Variants in SLC25A37 observed in about 807,000 individuals in gnomAD.
SLC25A37 encodes the protein solute carrier family 25 member 37, also known as mitoferrin-1.
SLC25A37 carries 17 observed loss-of-function variants against 31.0 expected under a neutral mutation model. The observed-to-expected ratio is 0.55, with a 90% CI of 0.38 to 0.82. The LOEUF (loss-of-function observed/expected upper bound fraction) is 0.82. Ranked by LOEUF, SLC25A37 falls within the 40% of genes least tolerant of loss-of-function variation. SLC25A37 has a pLI of 0.00. For missense variants in SLC25A37, 404 were observed against 465.8 expected (o/e 0.87, Z 1.22); for synonymous variants, 222 against 193.0 (o/e 1.15, Z -1.24).
intron 1 of SLC25A37, among the ~76,000 whole-genome samples, chr8:23,550,729 A>G (rs1802200588): frequency 6.6e-6 from 1 of 152,188 alleles, no homozygotes. Context: ...TGTCCATCTT[A>G]CCTAGGTGTA....
At chr8:23,566,902 C>G (rs1046055127) in intron 2 of SLC25A37, 51 of 827,226 alleles carry the variant, frequency 6.2e-5, no homozygotes, top group Non-Finnish European at 7.4e-5. Context: ...AATTTTACCC[C>G]CATTCTCTTC....
At position 23,574,067 on chromosome 8, in the gene SLC25A37, C is replaced by T. The variant is rs939460988; in HGVS notation, c.*2212C>T. 8.8e-6 allele frequency: 3 copies of T among 341,944 alleles called. No homozygotes were observed. Among genetic ancestry groups the T allele is most frequent in the African/African-American group, 6.4e-5 (3 of 46,536 alleles). The allele number at this position is 341,944 out of a possible 1,614,324, so 21.2% of individuals were successfully genotyped here. The stretch of plus-strand genomic sequence containing the variant: ...CCCTTTTGGTCCACTTAAGATATGC[C>T]ACGCTGAAGCAAGGTATTTCCTACT... On this transcript the variant is annotated 3_prime_UTR_variant, in exon 4 of 4. Transcript: ENST00000519973.
At chr8:23,563,941 A>G (rs2942198) in intron 1 of SLC25A37, among the ~76,000 whole-genome samples, 44,656 of 152,094 alleles carry the variant, frequency 0.29, 6,807 homozygotes, top group African/African-American at 0.36. Context: ...AGATTGTGCC[A>G]CTGCACTCCA....
chr8:23,541,979 G>C (rs1357280883), intron 1 of SLC25A37: 1 of 152,252 alleles, frequency 6.6e-6, no homozygotes, highest in African/African-American at 2.4e-5. Context: ...ACGTTGGCTT[G>C]CGTTAGCCTG....
chr8:23,563,643 G>GA (rs1802572442), intron 1 of SLC25A37, among the ~76,000 whole-genome samples: 1 of 152,212 alleles, frequency 6.6e-6, no homozygotes, highest in African/African-American at 2.4e-5. Flanking sequence ...AGATGTTTTT[G>GA]CCAGTCTGTG....
At chr8:23,548,342 C>T (rs1437190006) in intron 1 of SLC25A37, among the ~76,000 whole-genome samples, 2 of 152,090 alleles carry the variant, frequency 1.3e-5, no homozygotes, top group Non-Finnish European at 2.9e-5. Context: ...CCACGCCCAG[C>T]TAATTTTTTG....
rs2117472188 is a variant in SLC25A37, at chr8:23,572,053, G to A, written c.*198G>A. ...GTGCGGGGACATCCGAGGTGGTGGT[G>A]GACAGGAAGGACTTGGGAAGGGGAG... On this transcript the variant is annotated 3_prime_UTR_variant, in exon 4 of 4. Transcript: ENST00000519973. 6.7e-6 allele frequency: 4 copies of A among 592,752 alleles called. 1 individual carries two copies. In the South Asian group the frequency reaches 9.9e-5, roughly 15 times the overall value. 36.7% of individuals were successfully genotyped at this position (592,752 alleles called of 1,614,324 possible).
chr8:23,571,229 C>T lies in SLC25A37; in HGVS notation c.497-106C>T, dbSNP rs543060169. On this transcript the variant is annotated intron_variant, in intron 3 of 3. Transcript: ENST00000519973. ...TCGCCTGTTTCCGGTGTCTAACTGG[C>T]TTGTTTCTCTTTATGGCTTGGCTTC... 3.7e-6 allele frequency: 5 copies of T among 1,356,368 alleles called. No homozygotes were observed. In the African/African-American group the frequency reaches 5.9e-5, roughly 16 times the overall value. 84.0% of individuals were successfully genotyped at this position (1,356,368 alleles called of 1,614,324 possible). A position where few individuals can be genotyped will look rare whatever the true frequency, so the allele number is the denominator to read the frequency against.
intron 1 of SLC25A37, among the ~76,000 whole-genome samples, chr8:23,536,463 G>A (rs180789669): frequency 2.6e-5 from 4 of 152,060 alleles, no homozygotes; most frequent in Admixed American, 6.5e-5. Flanking sequence ...GGGCACCTCC[G>A]AGAGGGGGTT....
chr8:23,535,330 C>T (rs1392610341), intron 1 of SLC25A37, among the ~76,000 whole-genome samples: 1 of 152,178 alleles, frequency 6.6e-6, no homozygotes, highest in Non-Finnish European at 1.5e-5. Context: ...CCTTAGCTCC[C>T]CACCCTATTG....
In SLC25A37 at chr8:23,529,734, G is replaced by A. The variant is rs1010524966; in HGVS notation, c.210+522G>A. On this transcript the variant is annotated intron_variant, in intron 1 of 3. Coordinates refer to ENST00000519973, the MANE Select transcript of SLC25A37 (RefSeq NM_016612.4). The surrounding 1 kb of genome is among the most constrained non-coding windows in gnomAD (Gnocchi z 4.1). ...GCTGCTGCTCCCCGGGTTATTTCGG[G>A]AACTTGGGGCCGGCAAGTCTTCTCT... Among the ~76,000 whole-genome samples the A allele has an allele frequency of 2.6e-5, 4 of 152,176 alleles. No individual in the cohort carries two copies. The highest frequency in any genetic ancestry group is 9.7e-5 in the African/African-American group (4 of 41,446).
intron 1 of SLC25A37, among the ~76,000 whole-genome samples, chr8:23,555,572 C>T (rs1053715894): frequency 2.0e-5 from 3 of 152,160 alleles, no homozygotes; most frequent in Non-Finnish European, 4.4e-5. Flanking sequence ...GAGTCTTTTG[C>T]CCCTAGCAAT....
intron 1 of SLC25A37, among the ~76,000 whole-genome samples, chr8:23,546,820 ATTTT>A (rs1011788382): frequency 6.6e-6 from 1 of 150,918 alleles, no homozygotes; most frequent in Non-Finnish European, 1.5e-5. Context: ...TTGTTTTTAA[ATTTT>A]TTTTTCAAAT....
At position 23,529,742 on chromosome 8, in the gene SLC25A37, G is replaced by T. The variant is rs538248684; in HGVS notation, c.210+530G>T. Among the ~76,000 whole-genome samples, 1 of 152,166 alleles carries T rather than the reference G, an allele frequency of 6.6e-6. No homozygotes were observed. The highest frequency in any genetic ancestry group is 2.4e-5 in the African/African-American group (1 of 41,442). On this transcript the variant is annotated intron_variant, in intron 1 of 3. Transcript: ENST00000519973. The surrounding 1 kb of genome is among the most constrained non-coding windows in gnomAD (Gnocchi z 4.1). ...TCCCCGGGTTATTTCGGGAACTTGG[G>T]GCCGGCAAGTCTTCTCTCGACTAGT...
chr8:23,539,301 G>A (rs534530604), intron 1 of SLC25A37, among the ~76,000 whole-genome samples: 9 of 148,062 alleles, frequency 6.1e-5, no homozygotes, highest in Admixed American at 4.0e-4. Context: ...CGGGTCCACC[G>A]AGCCTCTGGA....
chr8:23,571,361 A>G lies in SLC25A37; in HGVS notation c.523A>G (p.Asn175Asp). 1.2e-6 allele frequency: 2 copies of G among 1,602,158 alleles called. No homozygotes were observed. Among genetic ancestry groups the G allele is most frequent in the Admixed American group, 3.4e-5 (2 of 58,980 alleles). The stretch of plus-strand genomic sequence containing the variant: ...GGTGAAGCAGCGCTTGCAGATGTAC[A>G]ACTCGCAGCACCGGTCAGCAATCAG... ...EVVKQRLQMY[N>D]SQHRSAISCI... Residue 175 changes from asparagine to aspartate, a missense_variant, in exon 4 of 4, where the codon AAC becomes GAC. Asn to Asp is a conservative substitution (Grantham distance 23). Transcript: ENST00000519973.
intron 1 of SLC25A37, among the ~76,000 whole-genome samples, chr8:23,553,282 T>C (rs1802277079): frequency 6.6e-6 from 1 of 152,034 alleles, no homozygotes; most frequent in Non-Finnish European, 1.5e-5. Context: ...ATTAGCCATG[T>C]GTGGTAGCAT....
At position 23,573,685 on chromosome 8, in the gene SLC25A37, C is replaced by T. The variant is rs1488844559; in HGVS notation, c.*1830C>T. Reference sequence around the variant, plus strand: ...AAGAATTTTATCAGTCAGTGGAGTTCCTTTTTCAGATCAGGGATGGGAAAG... The same window carrying T: ...AAGAATTTTATCAGTCAGTGGAGTTTCTTTTTCAGATCAGGGATGGGAAAG... On this transcript the variant is annotated 3_prime_UTR_variant, in exon 4 of 4. Transcript: ENST00000519973. 2.4e-6 allele frequency: 1 copy of T among 424,286 alleles called. No homozygotes were observed. The highest frequency in any genetic ancestry group is 4.9e-6 in the Non-Finnish European group (1 of 205,286). 26.3% of individuals were successfully genotyped at this position (424,286 alleles called of 1,614,324 possible).
chr8:23,573,923 C>T lies in SLC25A37; in HGVS notation c.*2068C>T. ...TTGAAAATGTTTACATCTCCGCTCT[C>T]AACCTGCCTTGGGTTCGTGTTAAAT... On this transcript the variant is annotated 3_prime_UTR_variant, in exon 4 of 4. Transcript: ENST00000519973. 4 of 448,356 alleles carry T rather than the reference C, an allele frequency of 8.9e-6. No individual in the cohort carries two copies. Among genetic ancestry groups the T allele is most frequent in the Middle Eastern group, 3.3e-4 (1 of 3,040 alleles). 27.8% of individuals were successfully genotyped at this position (448,356 alleles called of 1,614,324 possible). A position where few individuals can be genotyped will look rare whatever the true frequency, so the allele number is the denominator to read the frequency against.
Sources: gnomAD v4.1 joint callset for allele counts (sites outside exome capture counted in the v4.1 genomes callset) on GRCh38, gnomAD v4.1.1 for gene constraint, Gnocchi (gnomAD v3.1) non-coding constraint, MANE v1.5 for transcripts, NCBI Gene and HGNC (gene_info 2026-07-23, HGNC 2026-07-21) for gene names.